The following COQ8A variants were observed in gnomAD, a reference collection of about 807,000 sequenced individuals.
COQ8A encodes the protein coenzyme Q8A, also known as atypical kinase COQ8A, mitochondrial.
A neutral mutation model predicts 65.0 loss-of-function variants in COQ8A; 51 were observed. That is an observed-to-expected ratio of 0.78 (90% confidence interval 0.63 to 0.99). The LOEUF (loss-of-function observed/expected upper bound fraction) is 0.99. Among genes scored for constraint, COQ8A ranks in the 50% least tolerant of loss-of-function variants. The probability of loss-of-function intolerance (pLI) is 0.00; values close to 1 mark genes in which losing one functional copy is unlikely to be tolerated. For synonymous variants in COQ8A, 371 were observed against 353.2 expected (o/e 1.05, Z -0.57); for missense variants, 940 against 875.0 (o/e 1.07, Z -0.94).
At chr1:226,964,566 G>A (rs1658444950) in intron 2 of COQ8A, among the ~76,000 whole-genome samples, 1 of 152,190 alleles carries the variant, frequency 6.6e-6, no homozygotes, top group African/African-American at 2.4e-5. Flanking sequence ...GTGGGCTTAG[G>A]TGGGCCCGTC....
intron 1 of COQ8A, among the ~76,000 whole-genome samples, chr1:226,947,917 A>G (rs1176041112): frequency 1.3e-5 from 2 of 152,288 alleles, no homozygotes; most frequent in South Asian, 2.1e-4. Context: ...GGGGTAGTCT[A>G]CCACCCAGCT....
intron 14 of COQ8A, among the ~76,000 whole-genome samples, chr1:226,985,967 C>A (rs1341717481): frequency 6.6e-6 from 1 of 152,210 alleles, no homozygotes; most frequent in African/African-American, 2.4e-5. Context: ...CCTGGCCGCC[C>A]CGTCCCTCTG....
chr1:226,940,844 C>G (rs183608006), intron 1 of COQ8A, among the ~76,000 whole-genome samples: 1 of 152,240 alleles, frequency 6.6e-6, no homozygotes, highest in Non-Finnish European at 1.5e-5. Flanking sequence ...CTCGTTGCCG[C>G]TGGCTGCAGG....
chr1:226,971,247 T>C (rs1658894061), intron 4 of COQ8A, among the ~76,000 whole-genome samples: 2 of 151,974 alleles, frequency 1.3e-5, no homozygotes, highest in Admixed American at 6.5e-5. Flanking sequence ...GACCTAGTTT[T>C]TATTTTTTTG....
chr1:226,973,329 C>G (rs1373943885), intron 4 of COQ8A, among the ~76,000 whole-genome samples: 1 of 152,230 alleles, frequency 6.6e-6, no homozygotes, highest in Non-Finnish European at 1.5e-5. Context: ...ATTTCAGGAG[C>G]TCTGTGTTGG....
chr1:226,947,969 G>A (rs1340926998), intron 1 of COQ8A, among the ~76,000 whole-genome samples: 1 of 152,166 alleles, frequency 6.6e-6, no homozygotes, highest in Non-Finnish European at 1.5e-5. Flanking sequence ...TATTTGTGGA[G>A]TGACCAAAGT....
Position 226,961,489 on chromosome 1 carries a change from A to T in COQ8A, c.104A>T (p.Glu35Val), listed in dbSNP as rs768978438. 1.2e-6 allele frequency: 2 copies of T among 1,613,864 alleles called. No individual in the cohort carries two copies. The highest frequency in any genetic ancestry group is 2.2e-5 in the South Asian group (2 of 91,090). The stretch of plus-strand genomic sequence containing the variant: ...CTGCAGCACTTGGGCATCGGAGGGG[A>T]GCTGATCATGGCGGCCAGGGCCCTG... Reference protein sequence around the residue: ...THLQHLGIGGELIMAARALQS... With the variant: ...THLQHLGIGGVLIMAARALQS... Residue 35 changes from glutamate (E) to valine (V), a missense_variant, in exon 2 of 15, where the codon GAG becomes GTG. Coordinates refer to ENST00000366777, the MANE Select transcript of COQ8A (RefSeq NM_020247.5).
chr1:226,947,802 T>A (rs4999618), intron 1 of COQ8A, among the ~76,000 whole-genome samples: 14,688 of 49,004 alleles, frequency 0.3, 762 homozygotes, highest in Middle Eastern at 0.35. Flanking sequence ...CTCAAAAAAA[T>A]ATATATATAT....
rs1475087109 is a variant in COQ8A, at chr1:226,984,202, G to T, written c.1365G>T (p.Gln455His). ...TELVSGFPLD[Q>H]AEGLSQEIRN... ...TGGTGTCTGGCTTCCCCCTGGACCA[G>T]GCCGAAGGGCTCAGCCAGGAGATTC... Residue 455 changes from glutamine (Q) to histidine (H), a missense_variant, in exon 11 of 15, where the codon CAG becomes CAT. Gln to His is a conservative substitution (Grantham distance 24, BLOSUM62 0). Transcript: ENST00000366777. The T allele has an allele frequency of 6.2e-7, 1 of 1,613,808 alleles. No homozygotes were observed. The highest frequency in any genetic ancestry group is 1.3e-5 in the African/African-American group (1 of 75,060).
chr1:226,955,984 CCACTCCCTGGTTCA>C (rs2148029021), intron 1 of COQ8A, among the ~76,000 whole-genome samples: 1 of 123,882 alleles, frequency 8.1e-6, no homozygotes, highest in Non-Finnish European at 1.6e-5. Context: ...TCCCTGGCTG[CCACTCCCTGGTTCA>C]CACTCTCCCT....
chr1:226,982,443 C>A (rs922945966), intron 6 of COQ8A: 9 of 644,340 alleles, frequency 1.4e-5, no homozygotes, highest in Non-Finnish European at 2.4e-5. Context: ...TTATGAAAAA[C>A]TCTGCATGTT....
intron 4 of COQ8A, among the ~76,000 whole-genome samples, chr1:226,977,185 G>A (rs578095655): frequency 6.6e-6 from 1 of 152,274 alleles, no homozygotes; most frequent in East Asian, 1.9e-4. Flanking sequence ...GTGCCCGTGA[G>A]CCTGTGAATT....
intron 1 of COQ8A, among the ~76,000 whole-genome samples, chr1:226,942,737 G>A (rs1290766081): frequency 6.6e-6 from 1 of 152,200 alleles, no homozygotes; most frequent in African/African-American, 2.4e-5. Flanking sequence ...GGTATGATTT[G>A]TGGAGTTCTT....
chr1:226,961,785 C>A (rs1287985852), intron 2 of COQ8A, among the ~76,000 whole-genome samples: 2 of 152,232 alleles, frequency 1.3e-5, no homozygotes, highest in Non-Finnish European at 2.9e-5. Flanking sequence ...TTAAACAATG[C>A]ACGCTTATTT....
chr1:226,960,458 AGTACTTGGTGGTGGTGGCAGTG>A (rs1658156133), intron 1 of COQ8A, among the ~76,000 whole-genome samples: 7 of 11,670 alleles, frequency 6.0e-4, no homozygotes, highest in Non-Finnish European at 9.8e-4. Context: ...TGGTGGTGGC[AGTACTTGGTGGTGGTGGCAGTG>A]GTACTTGGTG....
At chr1:226,966,787 C>G (rs1658593138) in intron 4 of COQ8A, among the ~76,000 whole-genome samples, 1 of 152,192 alleles carries the variant, frequency 6.6e-6, no homozygotes, top group African/African-American at 2.4e-5. Flanking sequence ...CCCCATCCTA[C>G]TTGTTCAAGA....
At position 226,961,485 on chromosome 1, in the gene COQ8A, G is replaced by A. The variant is rs142125927; in HGVS notation, c.100G>A (p.Gly34Arg). 3.7e-6 allele frequency: 6 copies of A among 1,613,814 alleles called. No individual in the cohort carries two copies. The African/African-American group carries it at 8.0e-5, about 22-fold the overall frequency. Reference protein sequence around the residue: ...ETHLQHLGIGGELIMAARALQ... With the variant: ...ETHLQHLGIGRELIMAARALQ... Reference sequence around the variant, plus strand: ...CCACCTGCAGCACTTGGGCATCGGAGGGGAGCTGATCATGGCGGCCAGGGC... The same window carrying A: ...CCACCTGCAGCACTTGGGCATCGGAAGGGAGCTGATCATGGCGGCCAGGGC... Residue 34 changes from glycine to arginine, a missense_variant, in exon 2 of 15, where the codon GGG (glycine) becomes AGG (arginine). Transcript: ENST00000366777.
chr1:226,959,716 C>T (rs1299237047), intron 1 of COQ8A, among the ~76,000 whole-genome samples: 1 of 152,244 alleles, frequency 6.6e-6, no homozygotes, highest in Non-Finnish European at 1.5e-5. Flanking sequence ...TTGGGCCCTC[C>T]TTCCAGCGGA....
chr1:226,941,846 G>A (rs1295347992), intron 1 of COQ8A, among the ~76,000 whole-genome samples: 1 of 151,880 alleles, frequency 6.6e-6, no homozygotes, highest in Non-Finnish European at 1.5e-5. Context: ...TGCGGACTAT[G>A]CAGAATCGTA....
Sources: allele counts gnomAD v4.1 joint callset (sites outside exome capture counted in the v4.1 genomes callset), GRCh38; gene constraint gnomAD v4.1.1; transcripts MANE v1.5; gene names NCBI Gene and HGNC (gene_info 2026-07-23, HGNC 2026-07-21).